MCPH1: variants seen among roughly 807,000 people sequenced by gnomAD.
MCPH1 encodes the protein microcephalin.
A neutral mutation model predicts 84.5 loss-of-function variants in MCPH1; 104 were observed. That is an observed-to-expected ratio of 1.23 (90% CI 1.05 to 1.45). The LOEUF is 1.45. MCPH1 is among the 40% of genes most tolerant of loss of function. The pLI, the probability that MCPH1 is intolerant of heterozygous loss-of-function variation, is 0.00. For synonymous variants in MCPH1, 514 were observed against 366.8 expected, an observed-to-expected ratio of 1.40 and a Z score of -4.58; for missense variants, 1,498 against 1,005.7, an observed-to-expected ratio of 1.49 and a Z score of -6.62.
intron 12 of MCPH1, among the ~76,000 whole-genome samples, chr8:6,530,508 CAAAAA>C (rs55729820): frequency 1.0e-3 from 98 of 98,036 alleles, no homozygotes; most frequent in Non-Finnish European, 1.4e-3. Context: ...GACTCTGTCT[CAAAAA>C]AAAAAAAAAA....
At chr8:6,484,384 A>G (rs1320534036) in intron 11 of MCPH1, among the ~76,000 whole-genome samples, 1 of 151,940 alleles carries the variant, frequency 6.6e-6, no homozygotes, top group Non-Finnish European at 1.5e-5. Flanking sequence ...AAGAAAAAAT[A>G]ACAGTCGCAC....
intron 1 of MCPH1, chr8:6,407,102 T>C (rs1014946938): frequency 1.0e-5 from 3 of 297,568 alleles, no homozygotes; most frequent in Non-Finnish European, 2.0e-5. Flanking sequence ...CCCTGCTGCC[T>C]TAGTCCCTGG....
chr8:6,414,867 G>A lies in MCPH1; in HGVS notation c.217G>A (p.Val73Met), dbSNP rs376364603. The A allele has an allele frequency of 6.2e-7, 1 of 1,613,636 alleles. No homozygotes were observed. Among genetic ancestry groups the A allele is most frequent in the Non-Finnish European group, 8.5e-7 (1 of 1,179,852 alleles). ...AQKRGVKLVS[V>M]LWVEKCRTAG... ...GAAGAGAGGCGTAAAGCTCGTTTCGGTGCTCTGGGTGGAAAAGTAAGCAGT... is the reference window on the plus strand; with the variant it reads ...GAAGAGAGGCGTAAAGCTCGTTTCGATGCTCTGGGTGGAAAAGTAAGCAGT... Residue 73 changes from valine to methionine, a missense_variant, in exon 3 of 14, where the codon GTG becomes ATG. Physicochemically the swap from Val to Met is conservative, Grantham distance 21. Transcript: ENST00000344683.
chr8:6,586,255 C>G (rs970835862), intron 12 of MCPH1, among the ~76,000 whole-genome samples: 1 of 152,172 alleles, frequency 6.6e-6, no homozygotes, highest in African/African-American at 2.4e-5. Flanking sequence ...GCCACCATGC[C>G]CAGCTCATCC....
Position 6,514,057 on chromosome 8 carries a change from G to A in MCPH1, c.2214+14128G>A, listed in dbSNP as rs563867876. ...TGCTGCTGGAAGAAAACTTGTATTA[G>A]GATAATGAGAACTACTTGGGGAGCC... On this transcript the variant is annotated intron_variant, in intron 12 of 13. Coordinates refer to ENST00000344683, the MANE Select transcript of MCPH1 (RefSeq NM_024596.5). Among the ~76,000 whole-genome samples, 8 of 152,246 alleles carry A rather than the reference G, an allele frequency of 5.3e-5. No individual in the cohort carries two copies. In the South Asian group the frequency reaches 6.2e-4, roughly 12 times the overall value.
At chr8:6,408,113 GA>G (rs767903701) in intron 1 of MCPH1, among the ~76,000 whole-genome samples, 1 of 152,200 alleles carries the variant, frequency 6.6e-6, no homozygotes, top group Non-Finnish European at 1.5e-5. Context: ...TTAAGCGTAA[GA>G]ATTTGGGGAA....
chr8:6,504,963 C>G (rs943123254), intron 12 of MCPH1, among the ~76,000 whole-genome samples: 3 of 151,700 alleles, frequency 2.0e-5, no homozygotes, highest in African/African-American at 7.3e-5. Flanking sequence ...ATCTCAACAA[C>G]ACTGTGTTGG....
rs916219872 is a variant in MCPH1 at position 6,414,701 on chromosome 8, T to C, written c.115-64T>C. 2.7e-5 allele frequency: 43 copies of C among 1,571,390 alleles called. No homozygotes were observed. In the East Asian group the frequency reaches 4.5e-4, roughly 17 times the overall value. ...AATTGCTGGGGTAGAGGTTTTTTGA[T>C]CAGTTGTAGTTAAGTTGTGAATGAA... On this transcript the variant is annotated intron_variant, in intron 2 of 13. Coordinates refer to ENST00000344683, the MANE Select transcript of MCPH1 (RefSeq NM_024596.5).
intron 8 of MCPH1, among the ~76,000 whole-genome samples, chr8:6,450,388 G>C (rs1804960109): frequency 1.3e-5 from 2 of 151,474 alleles, no homozygotes; most frequent in Non-Finnish European, 2.9e-5. Flanking sequence ...CATTCTATGG[G>C]CAAGTTTCTG....
At position 6,552,119 on chromosome 8, in the gene MCPH1, C is replaced by T. The variant is rs552218292; in HGVS notation, c.2214+52190C>T. ...ACCTCTAAGAAATTCTGAATCTTTT[C>T]TACTAAGATATGTGGCTTGACTGCT... is the stretch of plus-strand genomic sequence containing the variant. On this transcript the variant is annotated intron_variant, in intron 12 of 13. Coordinates refer to ENST00000344683, the MANE Select transcript of MCPH1 (RefSeq NM_024596.5). Among the ~76,000 whole-genome samples, 11 of 152,282 alleles carry T rather than the reference C, an allele frequency of 7.2e-5. No individual in the cohort carries two copies. In the South Asian group the frequency reaches 2.1e-3, roughly 29 times the overall value.
At chr8:6,477,202 A>T (rs192376015) in intron 9 of MCPH1, 1 of 200,730 alleles carries the variant, frequency 5.0e-6, no homozygotes, top group East Asian at 1.3e-4. Context: ...TGAAATGAGA[A>T]TGAGGCTGCC....
intron 12 of MCPH1, chr8:6,527,565 C>T: frequency 1.2e-6 from 2 of 1,613,716 alleles, no homozygotes; most frequent in Non-Finnish European, 1.7e-6. Context: ...CTGTTCTTAT[C>T]TTGCAATTTG....
At chr8:6,409,775 G>C (rs1798278665) in intron 2 of MCPH1, among the ~76,000 whole-genome samples, 1 of 152,178 alleles carries the variant, frequency 6.6e-6, no homozygotes, top group South Asian at 2.1e-4. Context: ...TGATGATCTA[G>C]GGGGTCAGGA....
intron 8 of MCPH1, among the ~76,000 whole-genome samples, chr8:6,447,631 A>G (rs201700112): frequency 1.3e-5 from 2 of 152,094 alleles, no homozygotes; most frequent in East Asian, 1.9e-4. Flanking sequence ...GCTCACTGCA[A>G]CCTCCGCCTC....
chr8:6,633,802 T>C (rs570957783), intron 13 of MCPH1, among the ~76,000 whole-genome samples: 29 of 152,368 alleles, frequency 1.9e-4, no homozygotes, highest in African/African-American at 6.7e-4. Flanking sequence ...TGTGGTTTTT[T>C]GCTTATTCTC....
At chr8:6,542,038 A>G (rs887919926) in intron 12 of MCPH1, among the ~76,000 whole-genome samples, 3 of 152,038 alleles carry the variant, frequency 2.0e-5, no homozygotes, top group African/African-American at 4.8e-5. Context: ...ACTGAATGAT[A>G]AATGATTACA....
chr8:6,550,383 C>G (rs1032959475), intron 12 of MCPH1, among the ~76,000 whole-genome samples: 1 of 152,212 alleles, frequency 6.6e-6, no homozygotes, highest in Non-Finnish European at 1.5e-5. Context: ...TAGGGCTGCA[C>G]CCAGACACGT....
Position 6,501,282 on chromosome 8 carries a change from T to C in MCPH1, c.2214+1353T>C, listed in dbSNP as rs964186489. The C allele has an allele frequency of 1.4e-4, 22 of 152,114 alleles. 1 individual carries two copies. Among genetic ancestry groups the C allele is most frequent in the East Asian group, 1.9e-4 (1 of 5,198 alleles). 9.4% of individuals were successfully genotyped at this position (152,114 alleles called of 1,614,324 possible). On this transcript the variant is annotated intron_variant, in intron 12 of 13. Coordinates refer to ENST00000344683, the MANE Select transcript of MCPH1 (RefSeq NM_024596.5). Reference sequence around the variant, plus strand: ...AGAAGTTGGGGTAAAATAAATTAGATTTTGAAATGGAATAAAGAAAAAATA... The same window carrying C: ...AGAAGTTGGGGTAAAATAAATTAGACTTTGAAATGGAATAAAGAAAAAATA...
chr8:6,463,902 C>T (rs990356154), intron 9 of MCPH1, among the ~76,000 whole-genome samples: 1 of 152,160 alleles, frequency 6.6e-6, no homozygotes, highest in Non-Finnish European at 1.5e-5. Context: ...TGGCTGGAAG[C>T]ATATACTCTT....
Sources: allele counts gnomAD v4.1 joint callset (sites outside exome capture counted in the v4.1 genomes callset), GRCh38; gene constraint gnomAD v4.1.1; transcripts MANE v1.5; gene names NCBI Gene and HGNC (gene_info 2026-07-23, HGNC 2026-07-21).